Variants in ARB2A observed in about 807,000 individuals in gnomAD.
ARB2A encodes the protein ARB2 cotranscriptional regulator A, also known as cotranscriptional regulator ARB2A.
chr5:94,061,018 C>T, the ARB2A span, among the ~76,000 whole-genome samples: 1 of 152,180 alleles, frequency 6.6e-6, no homozygotes, highest in Non-Finnish European at 1.5e-5. Flanking sequence ...ACAGGTGGAT[C>T]ACGAGGTCAG....
chr5:93,745,966 T>C, the ARB2A span, among the ~76,000 whole-genome samples: 1 of 152,260 alleles, frequency 6.6e-6, no homozygotes, highest in East Asian at 1.9e-4. Flanking sequence ...GAACACCCTC[T>C]CTGGATCCAG....
the ARB2A span, among the ~76,000 whole-genome samples, chr5:93,635,687 A>G: frequency 6.6e-6 from 1 of 151,778 alleles, no homozygotes; most frequent in African/African-American, 2.4e-5. Context: ...TGATCTGCCC[A>G]CCTCAGTCTC....
chr5:93,702,350 G>A, the ARB2A span, among the ~76,000 whole-genome samples: 3 of 151,990 alleles, frequency 2.0e-5, no homozygotes, highest in South Asian at 2.1e-4. Flanking sequence ...TCCTGACCAC[G>A]CTATATAAAA....
At chr5:94,026,149 C>T in the ARB2A span, among the ~76,000 whole-genome samples, 1 of 152,070 alleles carries the variant, frequency 6.6e-6, no homozygotes, top group Non-Finnish European at 1.5e-5. Context: ...TGCTAATTAG[C>T]TTTTTCAGTC....
the ARB2A span, among the ~76,000 whole-genome samples, chr5:93,674,222 G>A: frequency 6.6e-6 from 1 of 152,214 alleles, no homozygotes; most frequent in Non-Finnish European, 1.5e-5. Context: ...GGCAAGGTCA[G>A]CCCTTTCAGT....
the ARB2A span, among the ~76,000 whole-genome samples, chr5:93,655,989 C>T: frequency 6.6e-6 from 1 of 152,198 alleles, no homozygotes; most frequent in African/African-American, 2.4e-5. Flanking sequence ...TCCCTCTCCT[C>T]TGACTAAAAT....
At chr5:93,880,656 G>A in the ARB2A span, among the ~76,000 whole-genome samples, 2 of 151,720 alleles carry the variant, frequency 1.3e-5, no homozygotes, top group South Asian at 4.2e-4. Context: ...TAAGGGCTTT[G>A]AAAATTGACA....
chr5:93,993,629 AG>A, the ARB2A span, among the ~76,000 whole-genome samples: 1 of 152,130 alleles, frequency 6.6e-6, no homozygotes, highest in Non-Finnish European at 1.5e-5. Flanking sequence ...TTATAAAAAA[AG>A]AACTTCCAAA....
At chr5:94,014,001 C>G in the ARB2A span, among the ~76,000 whole-genome samples, 2 of 152,110 alleles carry the variant, frequency 1.3e-5, no homozygotes, top group Admixed American at 1.3e-4. Flanking sequence ...CAACCAGATC[C>G]CCACCATCTT....
chr5:94,079,466 G>C, the ARB2A span, among the ~76,000 whole-genome samples: 1 of 152,318 alleles, frequency 6.6e-6, no homozygotes, highest in East Asian at 1.9e-4. Context: ...AGGCATCTCA[G>C]ATGTTAAGGG....
At chr5:93,864,251 C>CAA in the ARB2A span, among the ~76,000 whole-genome samples, 1 of 152,084 alleles carries the variant, frequency 6.6e-6, no homozygotes, top group African/African-American at 2.4e-5. Context: ...TACATTATTT[C>CAA]TCCTAAACAA....
the ARB2A span, chr5:93,733,921 A>G: frequency 2.0e-5 from 3 of 152,264 alleles, no homozygotes; most frequent in Non-Finnish European, 2.9e-5. Context: ...TTAGTAGGCA[A>G]GACTATTTCT....
the ARB2A span, among the ~76,000 whole-genome samples, chr5:94,025,819 G>T: frequency 6.6e-6 from 1 of 152,168 alleles, no homozygotes; most frequent in South Asian, 2.1e-4. Context: ...GGCCAGTGAC[G>T]CCCCTGCCGA....
the ARB2A span, among the ~76,000 whole-genome samples, chr5:94,012,206 T>A: frequency 6.6e-6 from 1 of 152,014 alleles, no homozygotes; most frequent in Admixed American, 6.6e-5. Context: ...ATCAAGACCA[T>A]CCTGGCTAAC....
the ARB2A span, among the ~76,000 whole-genome samples, chr5:93,766,679 T>C: frequency 0.086 from 13,010 of 152,132 alleles, 870 homozygotes; most frequent in African/African-American, 0.18. Context: ...CCCAGCCATC[T>C]CATTACTGGG....
chr5:93,954,066 A>G, the ARB2A span, among the ~76,000 whole-genome samples: 2 of 152,132 alleles, frequency 1.3e-5, no homozygotes, highest in African/African-American at 4.8e-5. Context: ...ATACTGCCCA[A>G]GAGTCAAGGC....
chr5:93,967,412 G>C, the ARB2A span, among the ~76,000 whole-genome samples: 1 of 152,088 alleles, frequency 6.6e-6, no homozygotes, highest in African/African-American at 2.4e-5. Context: ...ATCCATCAGA[G>C]AAGTGAGGCC....
chr5:93,950,445 C>G, the ARB2A span, among the ~76,000 whole-genome samples: 1 of 152,094 alleles, frequency 6.6e-6, no homozygotes, highest in Non-Finnish European at 1.5e-5. Context: ...GAGTTTGAGA[C>G]CAGCCTGGCC....
chr5:94,070,817 G>A, the ARB2A span, among the ~76,000 whole-genome samples: 1 of 151,880 alleles, frequency 6.6e-6, no homozygotes, highest in Non-Finnish European at 1.5e-5. Flanking sequence ...TTCACCATTA[G>A]GAAAATGCAA....
Sources: gnomAD v4.1 joint callset for allele counts (sites outside exome capture counted in the v4.1 genomes callset) on GRCh38, gnomAD v4.1.1 for gene constraint, MANE v1.5 for transcripts, NCBI Gene and HGNC (gene_info 2026-07-23, HGNC 2026-07-21) for gene names.